The following CDC16 variants were observed in gnomAD, a reference collection of about 807,000 sequenced individuals.
The protein encoded by CDC16 is cell division cycle protein 16 homolog.
In CDC16, 34 loss-of-function variants were observed where a neutral mutation model predicts 87.0. That is an observed-to-expected ratio of 0.39 (90% CI 0.30 to 0.52). CDC16 has a LOEUF of 0.52. Ranked by LOEUF, CDC16 falls within the 20% of genes least tolerant of loss-of-function variation. The pLI is 0.74. For synonymous variants in CDC16, 263 were observed against 260.6 expected, an observed-to-expected ratio of 1.01 and a Z score of -0.09; for missense variants, 653 against 751.9, an observed-to-expected ratio of 0.87 and a Z score of 1.54.
At chr13:114,271,201 G>A (rs923507145) in intron 17 of CDC16, among the ~76,000 whole-genome samples, 5 of 152,038 alleles carry the variant, frequency 3.3e-5, no homozygotes, top group East Asian at 1.9e-4. Flanking sequence ...GATTACAGGC[G>A]TGAGCCATCG....
In CDC16 at chr13:114,247,024, C is replaced by T. The variant is rs934365586; in HGVS notation, c.971+20C>T. On this transcript the variant is annotated intron_variant, in intron 11 of 17. Transcript: ENST00000356221. ...TCTCAGGTATGAATTTATTTTTTTCCTCTCTAGTTAACCTGTAGAATTGAT... is the reference window on the plus strand; with the variant it reads ...TCTCAGGTATGAATTTATTTTTTTCTTCTCTAGTTAACCTGTAGAATTGAT... 1.1e-5 allele frequency: 16 copies of T among 1,521,758 alleles called. No homozygotes were observed. The highest frequency in any genetic ancestry group is 1.4e-5 in the Non-Finnish European group (15 of 1,096,130). The allele number at this position is 1,521,758 out of a possible 1,614,324, so 94.3% of individuals were successfully genotyped here.
intron 8 of CDC16, 193 bp from the exon 9 acceptor site, chr13:114,244,697 A>C (rs1485996016): frequency 2.5e-6 from 1 of 398,040 alleles, no homozygotes; most frequent in Non-Finnish European, 4.5e-6. Context: ...AATAAACCAG[A>C]ATTTTTTCTT....
Position 114,261,873 on chromosome 13 carries a change from T to C in CDC16, c.1315-14T>C. ...ACATATATAACTCGTGGGCTTGATGTTGCTATGTTTTAGGTAACAGTTGAC... is the reference window on the plus strand; with the variant it reads ...ACATATATAACTCGTGGGCTTGATGCTGCTATGTTTTAGGTAACAGTTGAC... On this transcript the variant is annotated splice_polypyrimidine_tract_variant and intron_variant, in intron 14 of 17. Coordinates refer to ENST00000356221, the MANE Select transcript of CDC16 (RefSeq NM_001078645.3). 6.3e-7 allele frequency: 1 copy of C among 1,582,596 alleles called. No individual in the cohort carries two copies. Among genetic ancestry groups the C allele is most frequent in the Non-Finnish European group, 8.6e-7 (1 of 1,162,420 alleles).
chr13:114,259,343 CA>C lies in CDC16; in HGVS notation c.1260del (p.Ala421ProfsTer19). The C allele has an allele frequency of 6.4e-7, 1 of 1,570,566 alleles. No individual in the cohort carries two copies. The highest frequency in any genetic ancestry group is 8.6e-7 in the Non-Finnish European group (1 of 1,168,320). ...TTTTCCTTTCATTTTAGATGGAAAACAGCCGAAAAATGGTTTCTTGATGCTT... is the reference window on the plus strand; with the variant it reads ...TTTTCCTTTCATTTTAGATGGAAAACGCCGAAAAATGGTTTCTTGATGCTT... The part of the protein sequence containing the change: ...VVAFQNGEWK[T>X]AEKWFLDALE... On this transcript the variant is annotated frameshift_variant, in exon 14 of 18. Transcript: ENST00000356221. LOFTEE classifies it high-confidence loss of function.
rs775066464 is a variant in CDC16 at position 114,242,328 on chromosome 13, T to C, written c.541+48T>C. 10 of 1,569,966 alleles carry C rather than the reference T, an allele frequency of 6.4e-6. 1 individual carries two copies. In the South Asian group the frequency reaches 1.0e-4, roughly 16 times the overall value. On this transcript the variant is annotated intron_variant, in intron 6 of 17. Transcript: ENST00000356221. ...GTTTTATGTTTAGCAAAATTAATAT[T>C]GTTTGGATTTTTTGCCTCTGAAATC...
At chr13:114,247,199 G>A (rs946976041) in intron 11 of CDC16, 195 bp downstream of exon 11, 32 of 564,272 alleles carry the variant, frequency 5.7e-5, no homozygotes, top group African/African-American at 3.9e-4. Context: ...CCTCTCTCTC[G>A]AGGGTTCTCA....
intron 12 of CDC16, among the ~76,000 whole-genome samples, chr13:114,254,984 C>T (rs577916743): frequency 5.3e-5 from 8 of 152,338 alleles, no homozygotes; most frequent in African/African-American, 9.6e-5. Flanking sequence ...ATAACCCAGA[C>T]ATTGCTTACT....
chr13:114,246,299 T>C (rs1036569813), intron 10 of CDC16, among the ~76,000 whole-genome samples: 4 of 152,246 alleles, frequency 2.6e-5, no homozygotes, highest in Non-Finnish European at 5.9e-5. Context: ...AAGTTATACA[T>C]GCTTATTTTA....
chr13:114,271,966 T>G (rs2083709000), intron 17 of CDC16, among the ~76,000 whole-genome samples: 1 of 152,240 alleles, frequency 6.6e-6, no homozygotes, highest in Non-Finnish European at 1.5e-5. Flanking sequence ...GATTGGAATG[T>G]TGTTTTCCTT....
At chr13:114,259,094 TAAAAAAA>T (rs5807005) in intron 13 of CDC16, among the ~76,000 whole-genome samples, 2 of 111,450 alleles carry the variant, frequency 1.8e-5, no homozygotes, top group East Asian at 5.0e-4. Flanking sequence ...GTGAGACTCT[TAAAAAAA>T]AAAAAAAAAA....
intron 15 of CDC16, 114 bp from the exon 16 acceptor site, chr13:114,262,765 A>G: frequency 2.0e-6 from 2 of 980,570 alleles, no homozygotes; most frequent in Non-Finnish European, 3.2e-6. Context: ...ACCAGTCTAG[A>G]CTGCTGTTCT....
intron 3 of CDC16, among the ~76,000 whole-genome samples, chr13:114,237,367 A>G (rs1330388376): frequency 6.6e-6 from 1 of 152,098 alleles, no homozygotes; most frequent in African/African-American, 2.4e-5. Context: ...GTGGCTCACT[A>G]TAACCTCAGA....
chr13:114,245,262 T>TCCC (rs3215865), intron 9 of CDC16, among the ~76,000 whole-genome samples: 1 of 139,388 alleles, frequency 7.2e-6, no homozygotes, highest in Admixed American at 7.1e-5. Context: ...CAGTTCTGCC[T>TCCC]CCCCCCCCCT....
intron 17 of CDC16, among the ~76,000 whole-genome samples, chr13:114,267,821 C>T (rs999243782): frequency 6.8e-6 from 1 of 147,894 alleles, no homozygotes; most frequent in South Asian, 2.1e-4. Flanking sequence ...TGTGTAACCT[C>T]CCTTACTTTA....
intron 17 of CDC16, 43 bp downstream of exon 17, chr13:114,265,283 T>A: frequency 8.3e-7 from 1 of 1,209,626 alleles, no homozygotes; most frequent in Non-Finnish European, 1.2e-6. Flanking sequence ...CTCCATTTTT[T>A]AGGTTGTCAT....
At chr13:114,258,744 T>A (rs1178551785) in intron 13 of CDC16, among the ~76,000 whole-genome samples, 1 of 152,194 alleles carries the variant, frequency 6.6e-6, no homozygotes, top group African/African-American at 2.4e-5. Context: ...CTAACTGTAT[T>A]TCCCCTGGCA....
chr13:114,239,753 C>A (rs563448794), intron 5 of CDC16, among the ~76,000 whole-genome samples: 38 of 152,302 alleles, frequency 2.5e-4, no homozygotes, highest in African/African-American at 8.7e-4. Context: ...TTAAGCTACT[C>A]CCTAAAAGTG....
chr13:114,234,993 A>T lies in CDC16; in HGVS notation c.-92A>T. ...GTCCTGGGGCGGCGGCGGCGGCTGC[A>T]GGCACGGGCACGGGCACGGGGCGGG... On this transcript the variant is annotated 5_prime_UTR_variant, in exon 1 of 18. Transcript: ENST00000356221. The T allele has an allele frequency of 1.1e-6, 1 of 872,516 alleles. No individual in the cohort carries two copies. The highest frequency in any genetic ancestry group is 1.5e-6 in the Non-Finnish European group (1 of 678,104). 54.0% of individuals were successfully genotyped at this position (872,516 alleles called of 1,614,324 possible). A position where few individuals can be genotyped will look rare whatever the true frequency, so the allele number is the denominator to read the frequency against.
In CDC16 at chr13:114,235,053, G is replaced by A. The variant is rs940539085; in HGVS notation, c.-32G>A. The A allele has an allele frequency of 4.0e-5, 50 of 1,246,582 alleles. No homozygotes were observed. The African/African-American group carries it at 6.5e-4, about 16-fold the overall frequency. The allele number at this position is 1,246,582 out of a possible 1,614,324, so 77.2% of individuals were successfully genotyped here. A position where few individuals can be genotyped will look rare whatever the true frequency, so the allele number is the denominator to read the frequency against. ...GTGCAGGAGGCGCGCGCCTAGCGGC[G>A]GAGTGTGGCGTGAGGCCGGGCCCGC... On this transcript the variant is annotated 5_prime_UTR_variant, in exon 1 of 18. Transcript: ENST00000356221.
Sources: allele counts gnomAD v4.1 joint callset (sites outside exome capture counted in the v4.1 genomes callset), GRCh38; gene constraint gnomAD v4.1.1; transcripts MANE v1.5; gene names NCBI Gene and HGNC (gene_info 2026-07-23, HGNC 2026-07-21).